Variants in CIAPIN1 observed in about 807,000 individuals in gnomAD.
CIAPIN1 encodes the protein anamorsin.
CIAPIN1 carries 18 observed loss-of-function variants against 34.3 expected under a neutral mutation model. The observed-to-expected ratio is 0.52, with a 90% CI of 0.36 to 0.78. The LOEUF is 0.78. Ranked by LOEUF, CIAPIN1 falls within the 30% of genes least tolerant of loss-of-function variation. CIAPIN1 has a pLI of 0.00. For missense variants in CIAPIN1, 310 were observed against 372.5 expected (o/e 0.83, Z 1.38); for synonymous variants, 131 against 140.4 (o/e 0.93, Z 0.47).
chr16:57,441,124 G>T, intron 1 of CIAPIN1, 141 bp from the exon 2 acceptor site: 1 of 439,780 alleles, frequency 2.3e-6, no homozygotes, highest in Non-Finnish European at 3.9e-6. Context: ...CTGAATACAT[G>T]AACCCCATTA....
At chr16:57,429,896 C>G (rs1436469670) in intron 8 of CIAPIN1, among the ~76,000 whole-genome samples, 3 of 152,082 alleles carry the variant, frequency 2.0e-5, no homozygotes, top group Non-Finnish European at 2.9e-5. Context: ...TCTCCCGCCT[C>G]AGCCTCTGGC....
Position 57,431,210 on chromosome 16 carries a change from TG to T in CIAPIN1, c.686del (p.Pro229GlnfsTer38). On this transcript the variant is annotated frameshift_variant, in exon 7 of 9. Transcript: ENST00000394391. LOFTEE classifies it high-confidence loss of function. ...CACAAGAAGCAGCCCGCAGGGAAGCTGGATCTGGCTTCTTCAAATCTTCTGG... is the reference window on the plus strand; with the variant it reads ...CACAAGAAGCAGCCCGCAGGGAAGCTGATCTGGCTTCTTCAAATCTTCTGG... ...LDPEDLKKPDPASLRAASCGE... is the reference protein window; with the variant it reads ...LDPEDLKKPDXASLRAASCGE... The T allele has an allele frequency of 6.2e-7, 1 of 1,613,920 alleles. No individual in the cohort carries two copies. Among genetic ancestry groups the T allele is most frequent in the Non-Finnish European group, 8.5e-7 (1 of 1,179,874 alleles).
chr16:57,440,657 C>T (rs1333650432), intron 2 of CIAPIN1, 115 bp downstream of exon 2: 5 of 1,162,472 alleles, frequency 4.3e-6, no homozygotes, highest in African/African-American at 1.6e-5. Flanking sequence ...GGTGACCAGC[C>T]ACCACTATCA....
intron 1 of CIAPIN1, among the ~76,000 whole-genome samples, chr16:57,446,859 G>A (rs549057572): frequency 6.6e-6 from 1 of 152,336 alleles, no homozygotes; most frequent in East Asian, 1.9e-4. Context: ...GTTCGGACAA[G>A]TTGCAGGTTC....
At chr16:57,430,205 G>A in intron 8 of CIAPIN1, 53 bp downstream of exon 8, 3 of 1,462,454 alleles carry the variant, frequency 2.1e-6, no homozygotes, top group Non-Finnish European at 2.9e-6. Flanking sequence ...TTTAGAAGAA[G>A]GTCTAATCCC....
rs1280877352 is a variant in CIAPIN1 at position 57,431,155 on chromosome 16, T to G, written c.742A>C (p.Asn248His). ...GEGKKRKACK[N>H]CTCGLAEELE... The stretch of plus-strand genomic sequence containing the variant: ...TCCAGTCACCCCAGCACTCACCAGT[T>G]CTTACAGGCCTTCCTCTTTTTCCCT... Residue 248 changes from asparagine (N) to histidine (H), a missense_variant, in exon 7 of 9, where the codon AAC becomes CAC. By Grantham distance (68) the Asn-to-His change is moderately conservative (BLOSUM62 1). Transcript: ENST00000394391. The G allele has an allele frequency of 6.2e-7, 1 of 1,610,090 alleles. No homozygotes were observed. The highest frequency in any genetic ancestry group is 8.5e-7 in the Non-Finnish European group (1 of 1,177,232).
intron 1 of CIAPIN1, among the ~76,000 whole-genome samples, chr16:57,445,678 T>G (rs769914196): frequency 2.6e-5 from 4 of 152,056 alleles, no homozygotes; most frequent in Non-Finnish European, 5.9e-5. Flanking sequence ...CCCTGCCAGC[T>G]TTAGCAGAAT....
rs553581852 is a variant in CIAPIN1 at position 57,429,017 on chromosome 16, C to T, written c.*153G>A. The T allele has an allele frequency of 1.6e-5, 10 of 620,208 alleles. No individual in the cohort carries two copies. The highest frequency in any genetic ancestry group is 1.5e-4 in the South Asian group (8 of 53,052). The allele number at this position is 620,208 out of a possible 1,614,324, so 38.4% of individuals were successfully genotyped here. ...ACAGCAGCACTACACACCACTGTGC[C>T]CCCCAGCCAGCTTCACTCTGTCTGC... is the stretch of plus-strand genomic sequence containing the variant. On this transcript the variant is annotated 3_prime_UTR_variant, in exon 9 of 9. Transcript: ENST00000394391.
chr16:57,445,029 G>A (rs1404154125), intron 1 of CIAPIN1, among the ~76,000 whole-genome samples: 4 of 152,168 alleles, frequency 2.6e-5, no homozygotes, highest in Non-Finnish European at 4.4e-5. Context: ...TCTGAGAACA[G>A]ACTGTTTTTT....
chr16:57,434,787 C>T (rs1158935803), intron 4 of CIAPIN1, among the ~76,000 whole-genome samples: 2 of 152,078 alleles, frequency 1.3e-5, no homozygotes, highest in South Asian at 4.1e-4. Context: ...TCTATGATAT[C>T]TAAGGGTGGG....
intron 4 of CIAPIN1, among the ~76,000 whole-genome samples, chr16:57,435,364 T>C (rs1460127999): frequency 6.6e-6 from 1 of 152,238 alleles, no homozygotes; most frequent in Admixed American, 6.5e-5. Flanking sequence ...CTTGTCTTTA[T>C]AAATTATTCA....
At chr16:57,429,359 T>C (rs1350131775) in intron 8 of CIAPIN1, 79 bp from the exon 9 acceptor site, 2 of 954,798 alleles carry the variant, frequency 2.1e-6, no homozygotes, top group African/African-American at 3.2e-5. Flanking sequence ...CCTAATTTCA[T>C]AATGTGGCCA....
intron 6 of CIAPIN1, 90 bp downstream of exon 6, chr16:57,432,397 C>G: frequency 9.5e-7 from 1 of 1,052,466 alleles, no homozygotes; most frequent in Non-Finnish European, 1.4e-6. Context: ...AATACGTTCA[C>G]ACCTACAAGT....
At chr16:57,442,916 T>G (rs1686913612) in intron 1 of CIAPIN1, among the ~76,000 whole-genome samples, 1 of 152,110 alleles carries the variant, frequency 6.6e-6, no homozygotes, top group South Asian at 2.1e-4. Context: ...TCCCTCCTTA[T>G]TCTATGAAAA....
chr16:57,442,473 C>T (rs1003210997), intron 1 of CIAPIN1, among the ~76,000 whole-genome samples: 7 of 152,064 alleles, frequency 4.6e-5, no homozygotes, highest in East Asian at 3.9e-4. Context: ...CCAGCCTGGG[C>T]GACGTGGTGA....
intron 1 of CIAPIN1, among the ~76,000 whole-genome samples, chr16:57,445,511 A>G (rs1003877657): frequency 6.6e-6 from 1 of 152,164 alleles, no homozygotes; most frequent in African/African-American, 2.4e-5. Flanking sequence ...CCATCTCAAA[A>G]TAAAAAAAAA....
rs1424823251 is a variant in CIAPIN1, at chr16:57,428,352, C to CT, written c.*817_*818insA. On this transcript the variant is annotated 3_prime_UTR_variant, in exon 9 of 9. Coordinates refer to ENST00000394391, the MANE Select transcript of CIAPIN1 (RefSeq NM_020313.4). ...AGACGTATTGTCGTTCAGAGTTCTG[C>CT]CCTGCTTCCCTCTAAATGCTCACCA... The CT allele has an allele frequency of 2.6e-5, 4 of 152,168 alleles. No homozygotes were observed. The highest frequency in any genetic ancestry group is 4.4e-5 in the Non-Finnish European group (3 of 68,030). The allele number at this position is 152,168 out of a possible 1,614,324, so 9.4% of individuals were successfully genotyped here. A position where few individuals can be genotyped will look rare whatever the true frequency, so the allele number is the denominator to read the frequency against.
intron 6 of CIAPIN1, among the ~76,000 whole-genome samples, chr16:57,431,681 A>C (rs1458810705): frequency 1.1e-4 from 17 of 152,358 alleles, no homozygotes; most frequent in African/African-American, 4.1e-4. Context: ...GATAAAAATC[A>C]AATAATTATA....
rs61743712 is a variant in CIAPIN1 at position 57,429,206 on chromosome 16, C to T, written c.903G>A (p.Lys301=). The change falls in exon 9 of 9, where the codon AAG becomes AAA. Residue 301 remains lysine, a synonymous_variant. Coordinates refer to ENST00000394391, the MANE Select transcript of CIAPIN1 (RefSeq NM_020313.4). ...GAAGATTGCTATCACTCAGAAGCAC[C>T]TTTTCCCCAGGTTTGAAGGCTGGCA... ...LGMPAFKPGE[K]VLLSDSNLHD... 3.9e-4 allele frequency: 634 copies of T among 1,613,364 alleles called. 7 individuals are homozygous for T. The African/African-American group carries it at 7.8e-3, about 20-fold the overall frequency.
Sources: gnomAD v4.1 joint callset for allele counts (sites outside exome capture counted in the v4.1 genomes callset) on GRCh38, gnomAD v4.1.1 for gene constraint, MANE v1.5 for transcripts, NCBI Gene and HGNC (gene_info 2026-07-23, HGNC 2026-07-21) for gene names.